The following SHC3 variants were observed in gnomAD, a reference collection of about 807,000 sequenced individuals.
The protein encoded by SHC3 is SHC adaptor protein 3.
A neutral mutation model predicts 60.4 loss-of-function variants in SHC3; 15 were observed. The observed-to-expected ratio is 0.25, with a 90% CI of 0.17 to 0.38. The LOEUF (loss-of-function observed/expected upper bound fraction) is 0.38, where lower values mean the gene tolerates loss of function less well. Ranked by LOEUF, SHC3 falls within the 10% of genes least tolerant of loss-of-function variation. SHC3 has a pLI of 1.00. For synonymous variants in SHC3, 294 were observed against 325.9 expected (o/e 0.90, Z 1.05); for missense variants, 677 against 786.1 (o/e 0.86, Z 1.66).
At chr9:89,092,766 G>A (rs999728146) in intron 2 of SHC3, among the ~76,000 whole-genome samples, 1 of 149,498 alleles carries the variant, frequency 6.7e-6, no homozygotes, top group Non-Finnish European at 1.5e-5. Flanking sequence ...GTGTGTATGT[G>A]TGTGTGTGTG....
Position 89,178,611 on chromosome 9 carries a change from G to T in SHC3, c.-151C>A, listed in dbSNP as rs1379543455. The T allele has an allele frequency of 1.3e-5, 8 of 602,720 alleles. No individual in the cohort carries two copies. Among genetic ancestry groups the T allele is most frequent in the Non-Finnish European group, 2.1e-5 (8 of 386,746 alleles). 37.3% of individuals were successfully genotyped at this position (602,720 alleles called of 1,614,324 possible). Reference sequence around the variant, plus strand: ...CTTCTGGAGAACGAGAGCAGAGCAAGAGGATGGTGCCCTCCCACCGTTAAA... The same window carrying T: ...CTTCTGGAGAACGAGAGCAGAGCAATAGGATGGTGCCCTCCCACCGTTAAA... On this transcript the variant is annotated 5_prime_UTR_variant, in exon 1 of 12. Transcript: ENST00000375835. This position sits in a 1 kb window ranked among gnomAD's most constrained non-coding sequence, Gnocchi z 6.9.
chr9:89,085,272 C>G (rs1825509385), intron 2 of SHC3, among the ~76,000 whole-genome samples: 1 of 152,212 alleles, frequency 6.6e-6, no homozygotes, highest in African/African-American at 2.4e-5. Flanking sequence ...CCTTTTGCAC[C>G]AGTCTTGACT....
intron 1 of SHC3, among the ~76,000 whole-genome samples, chr9:89,138,205 A>C (rs1353262789): frequency 6.6e-6 from 1 of 152,116 alleles, no homozygotes; most frequent in African/African-American, 2.4e-5. Context: ...AGGGTTCTTG[A>C]ATCTGCACAA....
chr9:89,144,975 A>C (rs1826447708), intron 1 of SHC3, among the ~76,000 whole-genome samples: 1 of 152,206 alleles, frequency 6.6e-6, no homozygotes, highest in Non-Finnish European at 1.5e-5. Context: ...AACCCAAGGA[A>C]ATCAAGAAGG....
At chr9:89,093,907 C>A (rs1825662221) in intron 2 of SHC3, among the ~76,000 whole-genome samples, 1 of 151,946 alleles carries the variant, frequency 6.6e-6, no homozygotes, top group Non-Finnish European at 1.5e-5. Flanking sequence ...AGTTTGAGAC[C>A]AGCCTGGCCA....
chr9:89,100,686 T>C (rs765746664), intron 2 of SHC3, among the ~76,000 whole-genome samples: 1 of 152,232 alleles, frequency 6.6e-6, no homozygotes, highest in Admixed American at 6.5e-5. Context: ...CTAATTTCTT[T>C]CTCTATAGTT....
chr9:89,060,914 C>T (rs1025378931), intron 6 of SHC3, among the ~76,000 whole-genome samples: 4 of 151,998 alleles, frequency 2.6e-5, no homozygotes, highest in Non-Finnish European at 4.4e-5. Flanking sequence ...GAAGGGGTTG[C>T]GGTTGATAGA....
At position 89,042,230 on chromosome 9, in the gene SHC3, A is replaced by G. The variant is rs1232401620; in HGVS notation, c.1202-46T>C. 6.1e-6 allele frequency: 9 copies of G among 1,478,614 alleles called. No homozygotes were observed. In the African/African-American group the frequency reaches 1.1e-4, roughly 19 times the overall value. The allele number at this position is 1,478,614 out of a possible 1,614,324, so 91.6% of individuals were successfully genotyped here. Reference sequence around the variant, plus strand: ...CCTTTTCTTTTACGATGGTGACACTATTCAAGCCACCCAGCCTTTCACAAA... The same window carrying G: ...CCTTTTCTTTTACGATGGTGACACTGTTCAAGCCACCCAGCCTTTCACAAA... On this transcript the variant is annotated intron_variant, in intron 9 of 11. Coordinates refer to ENST00000375835, the MANE Select transcript of SHC3 (RefSeq NM_016848.6).
chr9:89,040,417 C>T (rs769131452), intron 10 of SHC3, among the ~76,000 whole-genome samples: 3 of 151,770 alleles, frequency 2.0e-5, no homozygotes, highest in Non-Finnish European at 4.4e-5. Context: ...ATCCTGTTTC[C>T]CCTCCTTAGG....
At chr9:89,134,069 C>T (rs1826287097) in intron 1 of SHC3, among the ~76,000 whole-genome samples, 1 of 152,078 alleles carries the variant, frequency 6.6e-6, no homozygotes, top group Admixed American at 6.6e-5. Flanking sequence ...TAATTATAAT[C>T]ACTTATGAAC....
At position 89,071,346 on chromosome 9, in the gene SHC3, C is replaced by A. The variant is rs570401184; in HGVS notation, c.730-94G>T. 3.9e-6 allele frequency: 5 copies of A among 1,278,062 alleles called. No individual in the cohort carries two copies. The South Asian group carries it at 5.1e-5, about 13-fold the overall frequency. 79.2% of individuals were successfully genotyped at this position (1,278,062 alleles called of 1,614,324 possible). A position where few individuals can be genotyped will look rare whatever the true frequency, so the allele number is the denominator to read the frequency against. On this transcript the variant is annotated intron_variant, in intron 4 of 11. Transcript: ENST00000375835. ...TTTGTTGGCAGGCATTACAAATTGA[C>A]ATGTTTTCCTGAAAATTGGTATCTA...
chr9:89,039,362 C>G (rs532081855), intron 10 of SHC3, among the ~76,000 whole-genome samples: 1 of 152,190 alleles, frequency 6.6e-6, no homozygotes, highest in Non-Finnish European at 1.5e-5. Context: ...CTAAAATTAG[C>G]TCTTTTTGAT....
intron 5 of SHC3, among the ~76,000 whole-genome samples, chr9:89,066,260 C>T (rs1737621010): frequency 6.6e-6 from 1 of 152,178 alleles, no homozygotes; most frequent in Non-Finnish European, 1.5e-5. Context: ...CTGGGGGCCA[C>T]ACTTTGAGAA....
At chr9:89,174,794 C>T (rs529192633) in intron 1 of SHC3, among the ~76,000 whole-genome samples, 1 of 152,380 alleles carries the variant, frequency 6.6e-6, no homozygotes, top group African/African-American at 2.4e-5. Flanking sequence ...AATGTCAAGG[C>T]TGTGCTTGTC....
At chr9:89,070,903 T>C (rs1177982890) in intron 5 of SHC3, among the ~76,000 whole-genome samples, 1 of 152,216 alleles carries the variant, frequency 6.6e-6, no homozygotes, top group African/African-American at 2.4e-5. Context: ...GAGAAGCCTG[T>C]GGCAACTCTG....
At chr9:89,159,808 C>G (rs892730555) in intron 1 of SHC3, among the ~76,000 whole-genome samples, 1 of 152,202 alleles carries the variant, frequency 6.6e-6, no homozygotes, top group Non-Finnish European at 1.5e-5. Flanking sequence ...TATATTCTAG[C>G]CATGCTGGCA....
intron 1 of SHC3, among the ~76,000 whole-genome samples, chr9:89,127,635 G>A (rs1421925344): frequency 6.6e-6 from 1 of 152,090 alleles, no homozygotes; most frequent in Non-Finnish European, 1.5e-5. Flanking sequence ...ATTATGAAAG[G>A]GCTTTGGTGT....
chr9:89,170,020 GCT>G (rs1469731044), intron 1 of SHC3, among the ~76,000 whole-genome samples: 1 of 152,100 alleles, frequency 6.6e-6, no homozygotes, highest in Admixed American at 6.5e-5. Flanking sequence ...TGGGCTCAAG[GCT>G]CTCTTTCTCC....
At chr9:89,029,361 A>C (rs1037683132) in intron 11 of SHC3, among the ~76,000 whole-genome samples, 2 of 152,064 alleles carry the variant, frequency 1.3e-5, no homozygotes, top group Non-Finnish European at 2.9e-5. Context: ...ACACAAAGAC[A>C]AAAGAAAAAA....
Sources: allele counts gnomAD v4.1 joint callset (sites outside exome capture counted in the v4.1 genomes callset), GRCh38; gene constraint gnomAD v4.1.1; non-coding constraint Gnocchi (gnomAD v3.1); transcripts MANE v1.5; gene names NCBI Gene and HGNC (gene_info 2026-07-23, HGNC 2026-07-21).